Variants in DEUP1 observed in about 807,000 individuals in gnomAD.
DEUP1 encodes the protein deuterosome assembly protein 1.
A neutral mutation model predicts 87.4 loss-of-function variants in DEUP1; 82 were observed. The observed-to-expected ratio is 0.94, with a 90% confidence interval of 0.78 to 1.13. DEUP1 has a LOEUF of 1.13. Among genes scored for constraint, DEUP1 ranks in the 50% most tolerant of loss-of-function variants. The pLI is 0.00. For synonymous variants in DEUP1, 214 were observed against 222.7 expected, an observed-to-expected ratio of 0.96 and a Z score of 0.35; for missense variants, 663 against 681.5, an observed-to-expected ratio of 0.97 and a Z score of 0.30.
chr11:93,371,313 C>A, intron 7 of DEUP1, 33 bp downstream of exon 7: 1 of 1,587,458 alleles, frequency 6.3e-7, no homozygotes, highest in South Asian at 1.2e-5. Flanking sequence ...CTAATATTGT[C>A]CATGACTTGT....
intron 2 of DEUP1, among the ~76,000 whole-genome samples, chr11:93,348,106 C>G (rs1944449008): frequency 1.3e-5 from 2 of 152,068 alleles, no homozygotes. Context: ...ATCCTTTTCT[C>G]CTAGATTTTC....
Position 93,394,477 on chromosome 11 carries a change from C to T in DEUP1, c.1060C>T (p.Gln354Ter). 3 of 1,573,844 alleles carry T rather than the reference C, an allele frequency of 1.9e-6. No individual in the cohort carries two copies. Among genetic ancestry groups the T allele is most frequent in the South Asian group, 2.4e-5 (2 of 82,336 alleles). The change falls in exon 10 of 14, where the codon CAG (glutamine) becomes TAG (stop). Residue 354 changes from glutamine (Q) to a stop codon, truncating the protein, a stop_gained. Coordinates refer to ENST00000298050, the MANE Select transcript of DEUP1 (RefSeq NM_181645.4). LOFTEE classifies it high-confidence loss of function. ...ELNKIRSQLQ[Q>*]VEEYHNSEQE... is the part of the protein sequence containing the mutation. The stretch of plus-strand genomic sequence containing the variant: ...GCTGCAGATAAGAAGCCAACTCCAA[C>T]AGGTGGAAGAGTACCATAACTCTGA...
rs115559969 is a variant in DEUP1, at chr11:93,392,136, C to A, written c.1042-2323C>A. Among the ~76,000 whole-genome samples, 1,217 of 152,234 alleles carry A rather than the reference C, an allele frequency of 8.0e-3. 15 individuals are homozygous for A. Among genetic ancestry groups the A allele is most frequent in the African/African-American group, 0.028 (1,170 of 41,524 alleles). On this transcript the variant is annotated intron_variant, in intron 9 of 13. Coordinates refer to ENST00000298050, the MANE Select transcript of DEUP1 (RefSeq NM_181645.4). ...ATGTGTACTTTCCATGTTAGGTCAC[C>A]CCACTCTAAGTGCCATCCCCTAAAA...
chr11:93,431,108 A>G (rs1289739662), intron 13 of DEUP1, among the ~76,000 whole-genome samples: 6 of 151,752 alleles, frequency 4.0e-5, no homozygotes, highest in African/African-American at 1.5e-4. Flanking sequence ...AAAAAAAAAA[A>G]AAAAAAAGAA....
intron 13 of DEUP1, 133 bp downstream of exon 13, chr11:93,415,247 G>A: frequency 2.0e-6 from 1 of 500,664 alleles, no homozygotes; most frequent in South Asian, 3.6e-5. Context: ...CTCCAAGATG[G>A]GTCTGCGAGC....
At chr11:93,403,810 A>C (rs1455796167) in intron 11 of DEUP1, among the ~76,000 whole-genome samples, 2 of 151,892 alleles carry the variant, frequency 1.3e-5, no homozygotes, top group East Asian at 3.9e-4. Flanking sequence ...TTAGGAAAAA[A>C]TCCATAATTA....
At position 93,415,108 on chromosome 11, in the gene DEUP1, C is replaced by G; in HGVS notation, c.1632C>G (p.Phe544Leu). The G allele has an allele frequency of 1.2e-6, 2 of 1,603,196 alleles. No individual in the cohort carries two copies. Among genetic ancestry groups the G allele is most frequent in the African/African-American group, 1.3e-5 (1 of 74,660 alleles). ...TSPLVSDDDV[F>L]PLSPPDMSFP... Reference sequence around the variant, plus strand: ...CTTTGGTTAGTGATGATGATGTATTCCCACTGGTGAGTTGCTGGTTGTGGG... The same window carrying G: ...CTTTGGTTAGTGATGATGATGTATTGCCACTGGTGAGTTGCTGGTTGTGGG... The change falls in exon 13 of 14, where the codon TTC (phenylalanine) becomes TTG (leucine). Residue 544 changes from phenylalanine (F) to leucine (L), a missense_variant. Phe to Leu is a conservative substitution (Grantham distance 22, BLOSUM62 0). Transcript: ENST00000298050.
At chr11:93,409,774 G>GT (rs1947384257) in intron 12 of DEUP1, among the ~76,000 whole-genome samples, 1 of 152,096 alleles carries the variant, frequency 6.6e-6, no homozygotes, top group African/African-American at 2.4e-5. Flanking sequence ...GTTAATAATT[G>GT]TAAGATTTTC....
chr11:93,341,811 TTC>T, intron 2 of DEUP1, among the ~76,000 whole-genome samples: 1 of 152,144 alleles, frequency 6.6e-6, no homozygotes, highest in East Asian at 1.9e-4. Context: ...TCACTCACAG[TTC>T]TAGAGGCCAG....
intron 9 of DEUP1, among the ~76,000 whole-genome samples, chr11:93,391,466 T>C (rs1946762532): frequency 1.3e-5 from 2 of 152,114 alleles, no homozygotes; most frequent in South Asian, 4.1e-4. Context: ...TCCCAGCACT[T>C]TGGGAGGCCA....
chr11:93,354,332 A>AT (rs1944778157), intron 2 of DEUP1, among the ~76,000 whole-genome samples: 1 of 152,058 alleles, frequency 6.6e-6, no homozygotes. Flanking sequence ...CACTATCAGC[A>AT]TTTTTGTCAA....
chr11:93,372,455 A>T (rs1945788041), intron 7 of DEUP1, among the ~76,000 whole-genome samples: 1 of 152,088 alleles, frequency 6.6e-6, no homozygotes, highest in Non-Finnish European at 1.5e-5. Flanking sequence ...CCACCCCAAG[A>T]TCTTTTGCCA....
In DEUP1 at chr11:93,394,658, T is replaced by G. The variant is rs1946879406; in HGVS notation, c.1239+2T>G. The G allele has an allele frequency of 1.2e-6, 2 of 1,605,432 alleles. No individual in the cohort carries two copies. The highest frequency in any genetic ancestry group is 2.2e-5 in the South Asian group (2 of 89,736). Reference sequence around the variant, plus strand: ...GAAAAAATGTTAGCAAAACAAAAGGTATGCAAGCAGGCAGAATAGCACTTG... The same window carrying G: ...GAAAAAATGTTAGCAAAACAAAAGGGATGCAAGCAGGCAGAATAGCACTTG... On this transcript the variant is annotated splice_donor_variant, in intron 10 of 13. Coordinates refer to ENST00000298050, the MANE Select transcript of DEUP1 (RefSeq NM_181645.4). LOFTEE classifies it high-confidence loss of function.
At chr11:93,427,847 T>C (rs1360524041) in intron 13 of DEUP1, among the ~76,000 whole-genome samples, 4 of 99,508 alleles carry the variant, frequency 4.0e-5, no homozygotes, top group Admixed American at 1.2e-4. Flanking sequence ...AAAGAAGACA[T>C]TTATGCAGCC....
rs543162518 is a variant in DEUP1 at position 93,346,447 on chromosome 11, G to A, written c.30-8924G>A. On this transcript the variant is annotated intron_variant, in intron 2 of 13. Coordinates refer to ENST00000298050, the MANE Select transcript of DEUP1 (RefSeq NM_181645.4). Reference sequence around the variant, plus strand: ...TCACCATGTTGCCCAGGCTGGTTTCGAACTCCTGAACTCAAGTGATCTGCC... The same window carrying A: ...TCACCATGTTGCCCAGGCTGGTTTCAAACTCCTGAACTCAAGTGATCTGCC... Among the ~76,000 whole-genome samples the A allele has an allele frequency of 2.2e-4, 33 of 152,166 alleles. No individual in the cohort carries two copies. In the East Asian group the frequency reaches 5.8e-3, roughly 27 times the overall value.
At chr11:93,347,458 G>A (rs567030377) in intron 2 of DEUP1, among the ~76,000 whole-genome samples, 5 of 152,266 alleles carry the variant, frequency 3.3e-5, no homozygotes, top group Admixed American at 3.3e-4. Context: ...GTTCATCAAG[G>A]ATATTAGCCT....
chr11:93,412,998 A>G (rs1591247959), intron 12 of DEUP1, among the ~76,000 whole-genome samples: 1 of 152,296 alleles, frequency 6.6e-6, no homozygotes, highest in East Asian at 1.9e-4. Flanking sequence ...GCCTCACTTA[A>G]CTTTTAATGC....
At chr11:93,403,636 G>T (rs1591232824) in intron 11 of DEUP1, among the ~76,000 whole-genome samples, 1 of 151,022 alleles carries the variant, frequency 6.6e-6, no homozygotes, top group African/African-American at 2.4e-5. Flanking sequence ...ATTGGCTTTT[G>T]GATTTATTAT....
chr11:93,391,258 A>G (rs1946757698), intron 9 of DEUP1, among the ~76,000 whole-genome samples: 1 of 152,138 alleles, frequency 6.6e-6, no homozygotes, highest in South Asian at 2.1e-4. Context: ...TTTTCAATAA[A>G]CCAAAAGTCA....
Sources: allele counts gnomAD v4.1 joint callset (sites outside exome capture counted in the v4.1 genomes callset), GRCh38; gene constraint gnomAD v4.1.1; transcripts MANE v1.5; gene names NCBI Gene and HGNC (gene_info 2026-07-23, HGNC 2026-07-21).